Variants in ESYT2 observed in about 807,000 individuals in gnomAD.
ESYT2 encodes the protein extended synaptotagmin-2.
A neutral mutation model predicts 107.2 loss-of-function variants in ESYT2; 54 were observed. The ratio of observed to expected loss-of-function variants is 0.50; its 90% CI spans 0.40 to 0.63. The LOEUF is 0.63. Ranked by LOEUF, ESYT2 falls within the 30% of genes least tolerant of loss-of-function variation. The probability of loss-of-function intolerance (pLI) is 0.00; values close to 1 mark genes in which losing one functional copy is unlikely to be tolerated. For missense variants in ESYT2, 1,020 were observed against 1,094.5 expected (o/e 0.93, Z 0.96); for synonymous variants, 491 against 434.1 (o/e 1.13, Z -1.63).
At chr7:158,773,512 C>T (rs1838446596) in intron 6 of ESYT2, 116 bp from the exon 7 acceptor site, 3 of 908,108 alleles carry the variant, frequency 3.3e-6, no homozygotes, top group Admixed American at 4.6e-5. Context: ...CACAGACCCA[C>T]ACCCTTCATC....
At chr7:158,757,754 G>GTT (rs67853250) in intron 13 of ESYT2, among the ~76,000 whole-genome samples, 32 of 76,490 alleles carry the variant, frequency 4.2e-4, no homozygotes, top group South Asian at 2.3e-3. Flanking sequence ...GTCTCTCTGG[G>GTT]TTTTTTTTTT....
chr7:158,743,182 A>G (rs1209960820), intron 17 of ESYT2, among the ~76,000 whole-genome samples: 1 of 152,180 alleles, frequency 6.6e-6, no homozygotes, highest in Non-Finnish European at 1.5e-5. Context: ...AAAAGTTAAG[A>G]CTTAGGAGAA....
intron 18 of ESYT2, among the ~76,000 whole-genome samples, chr7:158,740,745 A>G (rs975115396): frequency 6.6e-6 from 1 of 152,228 alleles, no homozygotes; most frequent in South Asian, 2.1e-4. Context: ...AATAGTGGAC[A>G]TGAGAAAGCA....
At chr7:158,785,666 G>A (rs1839085860) in intron 6 of ESYT2, among the ~76,000 whole-genome samples, 1 of 152,160 alleles carries the variant, frequency 6.6e-6, no homozygotes, top group South Asian at 2.1e-4. Context: ...GCTTAGAGAA[G>A]TAAGTTGTTC....
chr7:158,735,948 C>T (rs1177492828), intron 20 of ESYT2, among the ~76,000 whole-genome samples: 1 of 152,174 alleles, frequency 6.6e-6, no homozygotes, highest in Non-Finnish European at 1.5e-5. Flanking sequence ...ACAGCAATTC[C>T]AGAGCAGCCC....
chr7:158,756,555 T>A (rs1837762131), intron 13 of ESYT2, among the ~76,000 whole-genome samples: 1 of 152,150 alleles, frequency 6.6e-6, no homozygotes, highest in Admixed American at 6.5e-5. Context: ...GACTGAGAGT[T>A]GATTACACAG....
At chr7:158,743,989 G>A (rs62478933) in intron 16 of ESYT2, 21,762 of 230,172 alleles carry the variant, frequency 0.095, 1,171 homozygotes, top group African/African-American at 0.11. Flanking sequence ...CATGAGAATC[G>A]CTTGAACCTG....
In ESYT2 at chr7:158,767,685, T is replaced by C; in HGVS notation, c.893A>G (p.Gln298Arg). 6.2e-7 allele frequency: 1 copy of C among 1,612,946 alleles called. No homozygotes were observed. Among genetic ancestry groups the C allele is most frequent in the South Asian group, 1.1e-5 (1 of 90,784 alleles). Residue 298 changes from glutamine to arginine, a missense_variant, in exon 8 of 23, where the codon CAA becomes CGA. Coordinates refer to ENST00000275418, the MANE Select transcript of ESYT2 (RefSeq NM_001367773.1). ...RITVPLVSEV[Q>R]IAQLRFPVPK... ...TACAGGAAACCGCAACTGAGCTATT[T>C]GAACTTCACTGACAAGTGGAACGGT...
chr7:158,788,221 C>G, intron 5 of ESYT2, 124 bp downstream of exon 5: 1 of 1,164,666 alleles, frequency 8.6e-7, no homozygotes, highest in African/African-American at 1.6e-5. Context: ...CAACTATGAC[C>G]TACAGCTAAA....
chr7:158,761,116 G>A (rs1052914440), intron 11 of ESYT2, among the ~76,000 whole-genome samples: 17 of 152,086 alleles, frequency 1.1e-4, no homozygotes, highest in East Asian at 3.9e-4. Context: ...CTCACTGGCC[G>A]CACTGTGCCT....
chr7:158,807,944 G>T (rs796270315), intron 1 of ESYT2, among the ~76,000 whole-genome samples: 1 of 152,198 alleles, frequency 6.6e-6, no homozygotes, highest in South Asian at 2.1e-4. Context: ...GCGCAAACCC[G>T]CAAAAGGATG....
intron 2 of ESYT2, 101 bp downstream of exon 2, chr7:158,798,930 G>A (rs1414437551): frequency 3.3e-6 from 4 of 1,200,562 alleles, no homozygotes; most frequent in Middle Eastern, 2.0e-4. Context: ...AAGTCCAAAC[G>A]AGCTCAAATA....
Position 158,829,374 on chromosome 7 carries a change from C to A in ESYT2, c.45G>T (p.Gly15=). Residue 15 remains glycine, a synonymous_variant, in exon 1 of 23, where the codon GGG becomes GGT. Coordinates refer to ENST00000275418, the MANE Select transcript of ESYT2 (RefSeq NM_001367773.1). ...RGEGPEAGAG[G]AGGRAAPENP... ...TCTCAGGCGCCGCGCGGCCCCCAGC[C>A]CCGCCGGCGCCCGCCTCCGGGCCCT... 4 of 1,267,800 alleles carry A rather than the reference C, an allele frequency of 3.2e-6. No homozygotes were observed. The highest frequency in any genetic ancestry group is 3.9e-6 in the Non-Finnish European group (4 of 1,013,838). The allele number at this position is 1,267,800 out of a possible 1,614,324, so 78.5% of individuals were successfully genotyped here.
At chr7:158,782,487 T>A (rs1207709318) in intron 6 of ESYT2, among the ~76,000 whole-genome samples, 2 of 33,724 alleles carry the variant, frequency 5.9e-5, no homozygotes, top group Admixed American at 3.7e-4. Context: ...CAGTGAGAGG[T>A]GTGTGTGAAA....
At chr7:158,747,106 G>A (rs1312210682) in intron 16 of ESYT2, among the ~76,000 whole-genome samples, 1 of 151,826 alleles carries the variant, frequency 6.6e-6, no homozygotes, top group Admixed American at 6.6e-5. Flanking sequence ...AGCACGTTGG[G>A]AGGCCACAGT....
At chr7:158,772,208 C>A in intron 7 of ESYT2, among the ~76,000 whole-genome samples, 1 of 151,900 alleles carries the variant, frequency 6.6e-6, no homozygotes, top group African/African-American at 2.4e-5. Context: ...TTAATGAACT[C>A]TTTAACCAAT....
intron 6 of ESYT2, among the ~76,000 whole-genome samples, chr7:158,774,805 T>A (rs531027740): frequency 6.6e-6 from 1 of 152,192 alleles, no homozygotes; most frequent in Non-Finnish European, 1.5e-5. Context: ...TGCAAGCACC[T>A]CACACAGCGC....
At chr7:158,792,595 C>T (rs1051949306) in intron 4 of ESYT2, among the ~76,000 whole-genome samples, 4 of 150,326 alleles carry the variant, frequency 2.7e-5, no homozygotes, top group African/African-American at 4.9e-5. Flanking sequence ...TATATAATGT[C>T]TTTCTTCCTT....
intron 18 of ESYT2, among the ~76,000 whole-genome samples, chr7:158,739,705 C>T (rs372291293): frequency 5.5e-4 from 83 of 152,272 alleles, no homozygotes; most frequent in African/African-American, 1.9e-3. Context: ...TAAGCCCCCA[C>T]CCCACTCCCA....
Sources: gnomAD v4.1 joint callset for allele counts (sites outside exome capture counted in the v4.1 genomes callset) on GRCh38, gnomAD v4.1.1 for gene constraint, MANE v1.5 for transcripts, NCBI Gene and HGNC (gene_info 2026-07-23, HGNC 2026-07-21) for gene names.